The following RAD51B variants were observed in gnomAD, a reference collection of about 807,000 sequenced individuals.
RAD51B encodes DNA repair protein RAD51 homolog 2.
In RAD51B, 38 loss-of-function variants were observed where a neutral mutation model predicts 42.2. The observed-to-expected ratio is 0.90, with a 90% CI of 0.70 to 1.18. The LOEUF is 1.18. Among genes scored for constraint, RAD51B ranks in the 50% most tolerant of loss-of-function variants. The pLI is 0.00. For synonymous variants in RAD51B, 154 were observed against 145.2 expected (o/e 1.06, Z -0.43); for missense variants, 373 against 400.7 (o/e 0.93, Z 0.59).
chr14:68,529,688 G>A (rs1887152073), intron 10 of RAD51B, among the ~76,000 whole-genome samples: 1 of 152,104 alleles, frequency 6.6e-6, no homozygotes, highest in Non-Finnish European at 1.5e-5. Context: ...AGAAAATGAG[G>A]AGAAAGAAGA....
chr14:68,518,561 C>CG (rs1012162416), intron 10 of RAD51B, among the ~76,000 whole-genome samples: 10 of 150,580 alleles, frequency 6.6e-5, no homozygotes, highest in African/African-American at 1.5e-4. Flanking sequence ...TGAGCCCCCC[C>CG]CCCAGGCCTC....
intron 7 of RAD51B, among the ~76,000 whole-genome samples, chr14:68,040,354 G>A (rs1306020159): frequency 2.0e-5 from 3 of 152,074 alleles, no homozygotes; most frequent in East Asian, 1.9e-4. Flanking sequence ...TCTCTGTACC[G>A]CTTGTACTTT....
intron 9 of RAD51B, among the ~76,000 whole-genome samples, chr14:68,448,689 G>A (rs2085480369): frequency 6.6e-6 from 1 of 152,082 alleles, no homozygotes; most frequent in African/African-American, 2.4e-5. Flanking sequence ...GGCATAGTCT[G>A]CTTTCAGTGG....
chr14:68,441,720 T>A (rs956434418), intron 9 of RAD51B, among the ~76,000 whole-genome samples: 1 of 152,178 alleles, frequency 6.6e-6, no homozygotes, highest in Non-Finnish European at 1.5e-5. Context: ...CTTGGACAAA[T>A]GACTCTGAGT....
Position 68,121,178 on chromosome 14 carries a change from G to A in RAD51B, c.757-170706G>A, listed in dbSNP as rs139840260. 4.0e-3 allele frequency among the ~76,000 whole-genome samples: 616 copies of A among 152,230 alleles called. 1 individual carries two copies. Among genetic ancestry groups the A allele is most frequent in the Middle Eastern group, 0.017 (5 of 294 alleles). ...TATTATGTCATAGATTAATCACACT[G>A]CTGTCACTTATTGAGTGACTCTTGT... is the stretch of plus-strand genomic sequence containing the variant. On this transcript the variant is annotated intron_variant, in intron 7 of 10. Coordinates refer to ENST00000471583, the MANE Select transcript of RAD51B (RefSeq NM_133510.4).
chr14:68,043,131 A>G (rs1266683073), intron 7 of RAD51B, among the ~76,000 whole-genome samples: 1 of 152,224 alleles, frequency 6.6e-6, no homozygotes, highest in Non-Finnish European at 1.5e-5. Context: ...TTATTTACCT[A>G]GAGCTTCAGT....
chr14:68,234,725 G>A (rs2080212746), intron 7 of RAD51B, among the ~76,000 whole-genome samples: 2 of 152,144 alleles, frequency 1.3e-5, no homozygotes, highest in Admixed American at 1.3e-4. Flanking sequence ...AAGCTGTTCT[G>A]GGTGAGTCAG....
intron 7 of RAD51B, among the ~76,000 whole-genome samples, chr14:68,209,135 G>C (rs1217561511): frequency 6.6e-6 from 1 of 152,204 alleles, no homozygotes; most frequent in Non-Finnish European, 1.5e-5. Context: ...AAGACTTGAA[G>C]ACTTGCAACT....
intron 7 of RAD51B, among the ~76,000 whole-genome samples, chr14:68,207,841 T>C (rs1430161572): frequency 6.6e-6 from 1 of 152,180 alleles, no homozygotes; most frequent in African/African-American, 2.4e-5. Flanking sequence ...TAGGAACTCA[T>C]TTGAGATTTT....
chr14:68,432,619 TC>T (rs1386605403), intron 9 of RAD51B, among the ~76,000 whole-genome samples: 1 of 152,216 alleles, frequency 6.6e-6, no homozygotes, highest in Non-Finnish European at 1.5e-5. Flanking sequence ...TCTTCCTCCA[TC>T]CCTTTATTTT....
At chr14:68,429,964 A>T (rs534269005) in intron 9 of RAD51B, among the ~76,000 whole-genome samples, 114 of 152,298 alleles carry the variant, frequency 7.5e-4, no homozygotes, top group African/African-American at 2.6e-3. Context: ...CTTTCTACAT[A>T]TGGCCAGCCA....
At position 68,341,740 on chromosome 14, in the gene RAD51B, G is replaced by A. The variant is rs191342652; in HGVS notation, c.853+49760G>A. Among the ~76,000 whole-genome samples, 73 of 152,196 alleles carry A rather than the reference G, an allele frequency of 4.8e-4. No homozygotes were observed. In the Middle Eastern group the frequency reaches 0.014, roughly 28 times the overall value. On this transcript the variant is annotated intron_variant, in intron 8 of 10. Coordinates refer to ENST00000471583, the MANE Select transcript of RAD51B (RefSeq NM_133510.4). ...TTTTTCTCTCCAACTTTGTCAGTAC[G>A]TTCAAAAAGAGTCCTATTGGCCCAT...
chr14:67,854,558 C>T (rs913532421), intron 4 of RAD51B, among the ~76,000 whole-genome samples: 3 of 151,412 alleles, frequency 2.0e-5, no homozygotes, highest in Admixed American at 1.3e-4. Flanking sequence ...CATTTGAATC[C>T]AGGAGGCAGA....
At chr14:68,135,927 A>G (rs367764939) in intron 7 of RAD51B, among the ~76,000 whole-genome samples, 14 of 152,156 alleles carry the variant, frequency 9.2e-5, no homozygotes, top group African/African-American at 3.4e-4. Context: ...ATAAAAAGAG[A>G]CTCAGCCATT....
In RAD51B at chr14:68,465,518, C is replaced by T. The variant is rs191402514; in HGVS notation, c.958-2654C>T. Among the ~76,000 whole-genome samples, 562 of 152,318 alleles carry T rather than the reference C, an allele frequency of 3.7e-3. 1 individual carries two copies. The highest frequency in any genetic ancestry group is 0.024 in the Middle Eastern group (7 of 294). ...GAAATGCAGACTCTCTCAGGCTCCACTCAAAACCTAAAGAATCAGAATATG... is the reference window on the plus strand; with the variant it reads ...GAAATGCAGACTCTCTCAGGCTCCATTCAAAACCTAAAGAATCAGAATATG... On this transcript the variant is annotated intron_variant, in intron 9 of 10. Transcript: ENST00000471583.
At chr14:68,103,002 C>T (rs2077316857) in intron 7 of RAD51B, among the ~76,000 whole-genome samples, 3 of 152,018 alleles carry the variant, frequency 2.0e-5, no homozygotes, top group Admixed American at 6.6e-5. Flanking sequence ...GGAAAAAGCC[C>T]CTTATAAAAC....
intron 7 of RAD51B, among the ~76,000 whole-genome samples, chr14:67,923,454 C>T (rs561697951): frequency 8.0e-4 from 122 of 151,990 alleles, no homozygotes; most frequent in Non-Finnish European, 1.4e-3. Flanking sequence ...CATGTGCCAC[C>T]ACGCCTGGCT....
In RAD51B at chr14:68,119,185, C is replaced by T. The variant is rs923901507; in HGVS notation, c.757-172699C>T. Reference sequence around the variant, plus strand: ...AGCTGAGACTATAGGCACGTGCCACCGTACTCAACTAATTTTTCCGATTTT... The same window carrying T: ...AGCTGAGACTATAGGCACGTGCCACTGTACTCAACTAATTTTTCCGATTTT... On this transcript the variant is annotated intron_variant, in intron 7 of 10. Coordinates refer to ENST00000471583, the MANE Select transcript of RAD51B (RefSeq NM_133510.4). Among the ~76,000 whole-genome samples, 7 of 151,622 alleles carry T rather than the reference C, an allele frequency of 4.6e-5. No individual in the cohort carries two copies. In the South Asian group the frequency reaches 8.3e-4, roughly 18 times the overall value.
intron 10 of RAD51B, among the ~76,000 whole-genome samples, chr14:68,494,002 G>A (rs1884294023): frequency 6.6e-6 from 1 of 152,138 alleles, no homozygotes; most frequent in Non-Finnish European, 1.5e-5. Context: ...CTGGCTGGAC[G>A]CAGTGGCTCA....
Sources: gnomAD v4.1 joint callset for allele counts (sites outside exome capture counted in the v4.1 genomes callset) on GRCh38, gnomAD v4.1.1 for gene constraint, MANE v1.5 for transcripts, NCBI Gene and HGNC (gene_info 2026-07-23, HGNC 2026-07-21) for gene names.